IQCM: variants seen among roughly 807,000 people sequenced by gnomAD.
IQCM encodes the protein IQ domain-containing protein M.
In IQCM, 45 loss-of-function variants were observed where a neutral mutation model predicts 57.6. The observed-to-expected ratio is 0.78, with a 90% CI of 0.62 to 1.00. The LOEUF is 1.00. Ranked by LOEUF, IQCM falls within the 50% of genes least tolerant of loss-of-function variation. IQCM has a pLI of 0.00. For missense variants in IQCM, 468 were observed against 511.6 expected, an observed-to-expected ratio of 0.91 and a Z score of 0.82; for synonymous variants, 148 against 158.9, an observed-to-expected ratio of 0.93 and a Z score of 0.51.
intron 9 of IQCM, among the ~76,000 whole-genome samples, chr4:149,578,708 A>G (rs1173991038): frequency 3.3e-5 from 5 of 151,888 alleles, no homozygotes; most frequent in African/African-American, 1.2e-4. Context: ...ATGAATGTCC[A>G]CAATTCAGGT....
At chr4:149,520,219 A>AT (rs538952958) in intron 12 of IQCM, among the ~76,000 whole-genome samples, 6,965 of 126,712 alleles carry the variant, frequency 0.055, 278 homozygotes, top group East Asian at 0.11. Context: ...GGTGGGCACC[A>AT]TTTTTTTTTT....
chr4:149,408,501 ATTAGAAATCAGGCAATT>A (rs1367176062), intron 13 of IQCM, among the ~76,000 whole-genome samples: 1 of 152,152 alleles, frequency 6.6e-6, no homozygotes, highest in Admixed American at 6.6e-5. Flanking sequence ...AGAAATACCC[ATTAGAAATCAGGCAATT>A]TTAAGAAACA....
chr4:149,502,948 C>T lies in IQCM; in HGVS notation c.1228+45507G>A, dbSNP rs146112317. Among the ~76,000 whole-genome samples the T allele has an allele frequency of 5.4e-3, 816 of 151,870 alleles. 3 individuals are homozygous for T. Among genetic ancestry groups the T allele is most frequent in the African/African-American group, 0.016 (682 of 41,414 alleles). On this transcript the variant is annotated intron_variant, in intron 12 of 13. Coordinates refer to ENST00000636793, the MANE Select transcript of IQCM (RefSeq NM_001363507.2). Reference sequence around the variant, plus strand: ...AATTTGATTAAAAAAAAAAGTAGGCCGGGCACGGTGGCTCATGCCTCTAAT... The same window carrying T: ...AATTTGATTAAAAAAAAAAGTAGGCTGGGCACGGTGGCTCATGCCTCTAAT...
intron 2 of IQCM, among the ~76,000 whole-genome samples, chr4:149,788,171 T>C (rs1359909657): frequency 2.0e-5 from 3 of 151,926 alleles, no homozygotes; most frequent in African/African-American, 4.8e-5. Context: ...CTGTCTCTAC[T>C]AAAAATACAA....
intron 7 of IQCM, among the ~76,000 whole-genome samples, chr4:149,633,167 CAAAAAAAAAAAAAA>C (rs71596216): frequency 4.8e-4 from 11 of 22,938 alleles, no homozygotes; most frequent in South Asian, 2.5e-3. Context: ...GACTCCGTCT[CAAAAAAAAAAAAAA>C]AAAAAAAAAA....
At chr4:149,482,257 G>A (rs993269038) in intron 12 of IQCM, among the ~76,000 whole-genome samples, 2 of 151,876 alleles carry the variant, frequency 1.3e-5, no homozygotes, top group African/African-American at 4.8e-5. Flanking sequence ...TTTCCAATTT[G>A]GATGTTCTTT....
chr4:149,451,731 G>A (rs1737143881), intron 12 of IQCM, among the ~76,000 whole-genome samples: 2 of 151,560 alleles, frequency 1.3e-5, no homozygotes, highest in African/African-American at 2.4e-5. Context: ...TGTACAGAGG[G>A]GCATTTCTTC....
chr4:149,733,102 T>A, intron 5 of IQCM, 142 bp downstream of exon 5: 4 of 714,716 alleles, frequency 5.6e-6, no homozygotes, highest in Non-Finnish European at 7.7e-6. Context: ...GCAGCTCTAA[T>A]AATCAGGCCT....
chr4:149,498,954 GA>G (rs1742953714), intron 12 of IQCM, among the ~76,000 whole-genome samples: 1 of 152,160 alleles, frequency 6.6e-6, no homozygotes, highest in African/African-American at 2.4e-5. Flanking sequence ...AAGAGACAGA[GA>G]GGGGGGATAG....
At chr4:149,745,299 C>T (rs1330708419) in intron 2 of IQCM, among the ~76,000 whole-genome samples, 1 of 152,166 alleles carries the variant, frequency 6.6e-6, no homozygotes, top group African/African-American at 2.4e-5. Flanking sequence ...AGTTTTTGAA[C>T]AGGGCATTGA....
At chr4:149,739,930 GTT>G (rs1219690336) in intron 3 of IQCM, among the ~76,000 whole-genome samples, 2 of 152,092 alleles carry the variant, frequency 1.3e-5, no homozygotes, top group Non-Finnish European at 2.9e-5. Flanking sequence ...GTTCTACATA[GTT>G]GCTCCAGTGA....
intron 12 of IQCM, among the ~76,000 whole-genome samples, chr4:149,487,368 T>C (rs975516921): frequency 1.3e-5 from 2 of 152,160 alleles, no homozygotes; most frequent in Non-Finnish European, 2.9e-5. Context: ...TTCACTTTCA[T>C]TGTTGCAAAC....
chr4:149,617,456 A>G (rs1302585399), intron 8 of IQCM, among the ~76,000 whole-genome samples: 3 of 152,186 alleles, frequency 2.0e-5, no homozygotes, highest in East Asian at 3.9e-4. Context: ...TCATTCTCTC[A>G]TATTTATTCA....
chr4:149,809,472 G>A (rs1238211354), intron 2 of IQCM, among the ~76,000 whole-genome samples: 1 of 152,110 alleles, frequency 6.6e-6, no homozygotes, highest in Non-Finnish European at 1.5e-5. Flanking sequence ...TATTTTAATT[G>A]ACTTAAAGAT....
chr4:149,702,599 A>T (rs938603235), intron 5 of IQCM, among the ~76,000 whole-genome samples: 1 of 151,926 alleles, frequency 6.6e-6, no homozygotes, highest in African/African-American at 2.4e-5. Flanking sequence ...GTTTGTTTCA[A>T]TACAAATAGA....
At chr4:149,550,209 T>C (rs1369910843) in intron 11 of IQCM, among the ~76,000 whole-genome samples, 4 of 152,178 alleles carry the variant, frequency 2.6e-5, no homozygotes, top group Admixed American at 1.3e-4. Flanking sequence ...GCAAGTTGTT[T>C]ACACTGTTTT....
chr4:149,596,176 A>G (rs895500004), intron 8 of IQCM, among the ~76,000 whole-genome samples: 1 of 152,188 alleles, frequency 6.6e-6, no homozygotes, highest in African/African-American at 2.4e-5. Flanking sequence ...GCATCCCAAT[A>G]TAAGCCCCTG....
At chr4:149,653,234 G>A (rs935293625) in intron 7 of IQCM, among the ~76,000 whole-genome samples, 1 of 152,134 alleles carries the variant, frequency 6.6e-6, no homozygotes, top group Non-Finnish European at 1.5e-5. Context: ...GAAGATGGCA[G>A]CAGGTGTGGC....
chr4:149,563,755 G>A lies in IQCM; in HGVS notation c.885C>T (p.Thr295=), dbSNP rs375157548. 30 of 1,231,808 alleles carry A rather than the reference G, an allele frequency of 2.4e-5. 1 individual carries two copies. In the East Asian group the frequency reaches 7.9e-4, roughly 32 times the overall value. The allele number at this position is 1,231,808 out of a possible 1,614,324, so 76.3% of individuals were successfully genotyped here. A position where few individuals can be genotyped will look rare whatever the true frequency, so the allele number is the denominator to read the frequency against. The stretch of plus-strand genomic sequence containing the variant: ...ATCCCCTGACATGTGCCTGCATGAC[G>A]GTGACCATTCTAATCAATTTTGGGG... ...MITPKLIRMV[T]VMQAHVRGWL... The change falls in exon 10 of 14, where the codon ACC becomes ACT. Residue 295 remains threonine (T), a synonymous_variant. Transcript: ENST00000636793.
Sources: gnomAD v4.1 joint callset for allele counts (sites outside exome capture counted in the v4.1 genomes callset) on GRCh38, gnomAD v4.1.1 for gene constraint, MANE v1.5 for transcripts, NCBI Gene and HGNC (gene_info 2026-07-23, HGNC 2026-07-21) for gene names.